TMEM163: variants seen among roughly 807,000 people sequenced by gnomAD.
The protein encoded by TMEM163 is transmembrane protein 163.
In TMEM163, 17 loss-of-function variants were observed where a neutral mutation model predicts 29.3. The observed-to-expected ratio is 0.58, with a 90% CI of 0.40 to 0.87. The LOEUF is 0.87. Among genes scored for constraint, TMEM163 ranks in the 40% least tolerant of loss-of-function variants. The pLI, the probability that TMEM163 is intolerant of heterozygous loss-of-function variation, is 0.00. For missense variants in TMEM163, 303 were observed against 381.5 expected, an observed-to-expected ratio of 0.79 and a Z score of 1.71; for synonymous variants, 157 against 160.6, an observed-to-expected ratio of 0.98 and a Z score of 0.17.
At chr2:134,712,342 C>G (rs1684944278) in intron 2 of TMEM163, among the ~76,000 whole-genome samples, 3 of 152,112 alleles carry the variant, frequency 2.0e-5, no homozygotes, top group Admixed American at 1.3e-4. Flanking sequence ...CAGACATGTG[C>G]TTTTTTTCTC....
At chr2:134,683,771 C>T (rs938556071) in intron 2 of TMEM163, among the ~76,000 whole-genome samples, 3 of 152,088 alleles carry the variant, frequency 2.0e-5, no homozygotes, top group Admixed American at 1.3e-4. Context: ...CAAATATGGC[C>T]AGCAACAGGC....
At chr2:134,550,477 A>C in intron 4 of TMEM163, 93 bp downstream of exon 4, 7 of 1,248,380 alleles carry the variant, frequency 5.6e-6, no homozygotes, top group Non-Finnish European at 6.9e-6. Context: ...TCACTGGGAC[A>C]AAAGCTGCAG....
intron 4 of TMEM163, among the ~76,000 whole-genome samples, chr2:134,516,729 A>G (rs6430522): frequency 1.5e-4 from 18 of 120,014 alleles, no homozygotes; most frequent in Admixed American, 4.4e-4. Context: ...ATTCATATAT[A>G]TGCATATATA....
At chr2:134,650,399 A>T (rs1052439398) in intron 2 of TMEM163, among the ~76,000 whole-genome samples, 7 of 152,136 alleles carry the variant, frequency 4.6e-5, no homozygotes, top group Non-Finnish European at 7.3e-5. Flanking sequence ...GATATAAATC[A>T]AACTTGAAAG....
intron 4 of TMEM163, among the ~76,000 whole-genome samples, chr2:134,549,118 AC>A (rs986546537): frequency 1.3e-5 from 2 of 151,220 alleles, no homozygotes; most frequent in African/African-American, 2.4e-5. Context: ...AAAAAAAAAA[AC>A]TAATGCCCAT....
chr2:134,683,184 C>T (rs1343976648), intron 2 of TMEM163, among the ~76,000 whole-genome samples: 3 of 152,126 alleles, frequency 2.0e-5, no homozygotes, highest in African/African-American at 7.2e-5. Context: ...TGTCATTGTA[C>T]ATTTGTTCAA....
chr2:134,536,687 T>C (rs900721578), intron 4 of TMEM163, among the ~76,000 whole-genome samples: 17 of 152,144 alleles, frequency 1.1e-4, no homozygotes, highest in African/African-American at 4.1e-4. Flanking sequence ...ATACAGAATA[T>C]ACTTAGTACA....
chr2:134,553,886 G>A (rs982231579), intron 2 of TMEM163, among the ~76,000 whole-genome samples: 8 of 152,210 alleles, frequency 5.3e-5, no homozygotes, highest in South Asian at 2.1e-4. Flanking sequence ...GATCCCTGGC[G>A]GGACTGCTGC....
intron 4 of TMEM163, among the ~76,000 whole-genome samples, chr2:134,519,178 G>A (rs1680139563): frequency 6.6e-6 from 1 of 152,200 alleles, no homozygotes; most frequent in South Asian, 2.1e-4. Flanking sequence ...TTAAAGGCAA[G>A]GCTATCGCTA....
Position 134,460,739 on chromosome 2 carries a change from G to A in TMEM163, c.668-2566C>T, listed in dbSNP as rs1686516923. On this transcript the variant is annotated intron_variant, in intron 6 of 7. Coordinates refer to ENST00000281924, the MANE Select transcript of TMEM163 (RefSeq NM_030923.5). This position sits in a 1 kb window ranked among gnomAD's most constrained non-coding sequence, Gnocchi z 4.3. ...TCTGCTCAGCTCCACCAAGTCACCC[G>A]CTCTGCCAGCCAGCACCAAGGCCGG... 6.6e-6 allele frequency among the ~76,000 whole-genome samples: 1 copy of A among 152,088 alleles called. No homozygotes were observed. Among genetic ancestry groups the A allele is most frequent in the Non-Finnish European group, 1.5e-5 (1 of 68,016 alleles).
chr2:134,459,010 G>C (rs1379272761), intron 6 of TMEM163: 1 of 152,198 alleles, frequency 6.6e-6, no homozygotes, highest in Non-Finnish European at 1.5e-5. Flanking sequence ...GAAGGGAAGG[G>C]AATGGCTTAA....
At chr2:134,689,686 T>C (rs1684420649) in intron 2 of TMEM163, among the ~76,000 whole-genome samples, 1 of 152,176 alleles carries the variant, frequency 6.6e-6, no homozygotes, top group Non-Finnish European at 1.5e-5. Flanking sequence ...CTAGTGCACA[T>C]GAATGAGTTC....
intron 4 of TMEM163, among the ~76,000 whole-genome samples, chr2:134,532,308 C>T (rs921282558): frequency 2.4e-4 from 36 of 152,186 alleles, no homozygotes; most frequent in African/African-American, 7.7e-4. Flanking sequence ...GGCCTCCTGT[C>T]GAGATAACAC....
chr2:134,582,833 G>A (rs1681726622), intron 2 of TMEM163, among the ~76,000 whole-genome samples: 1 of 152,052 alleles, frequency 6.6e-6, no homozygotes, highest in African/African-American at 2.4e-5. Context: ...TCCATCCTGA[G>A]AGGAGGAAAG....
chr2:134,502,821 C>G lies in TMEM163; in HGVS notation c.555+80G>C, dbSNP rs565422360. 98 of 1,286,216 alleles carry G rather than the reference C, an allele frequency of 7.6e-5. 1 individual carries two copies. The Middle Eastern group carries it at 4.5e-3, about 59-fold the overall frequency. The allele number at this position is 1,286,216 out of a possible 1,614,324, so 79.7% of individuals were successfully genotyped here. ...TTCCCTCTCAACATGCCCGACTCCACCCGGGAACCCTGCGATAAGAGGCAG... is the reference window on the plus strand; with the variant it reads ...TTCCCTCTCAACATGCCCGACTCCAGCCGGGAACCCTGCGATAAGAGGCAG... On this transcript the variant is annotated intron_variant, in intron 5 of 7. Transcript: ENST00000281924.
At chr2:134,602,291 G>A (rs779633221) in intron 2 of TMEM163, among the ~76,000 whole-genome samples, 5 of 152,090 alleles carry the variant, frequency 3.3e-5, no homozygotes, top group East Asian at 3.9e-4. Flanking sequence ...AGGTGACATC[G>A]TTCTGGTTAA....
At chr2:134,573,045 G>A (rs1210632868) in intron 2 of TMEM163, among the ~76,000 whole-genome samples, 1 of 152,204 alleles carries the variant, frequency 6.6e-6, no homozygotes, top group Non-Finnish European at 1.5e-5. Flanking sequence ...CCCACACCCT[G>A]TCTAGTTCCT....
intron 2 of TMEM163, among the ~76,000 whole-genome samples, chr2:134,691,645 C>T (rs1684470629): frequency 6.6e-6 from 1 of 152,208 alleles, no homozygotes; most frequent in Non-Finnish European, 1.5e-5. Flanking sequence ...CAGCACTATG[C>T]TGACAGTCCC....
At chr2:134,543,038 AC>A (rs924993380) in intron 4 of TMEM163, among the ~76,000 whole-genome samples, 5 of 152,036 alleles carry the variant, frequency 3.3e-5, no homozygotes, top group Admixed American at 1.3e-4. Flanking sequence ...ATCTGCAAAG[AC>A]CCTGTTTCCA....
Sources: allele counts gnomAD v4.1 joint callset (sites outside exome capture counted in the v4.1 genomes callset), GRCh38; gene constraint gnomAD v4.1.1; non-coding constraint Gnocchi (gnomAD v3.1); transcripts MANE v1.5; gene names NCBI Gene and HGNC (gene_info 2026-07-23, HGNC 2026-07-21).